RNGTT: variants seen among roughly 807,000 people sequenced by gnomAD.
The protein encoded by RNGTT is RNA guanylyltransferase and 5'-phosphatase.
RNGTT carries 33 observed loss-of-function variants against 79.3 expected under a neutral mutation model. That is an observed-to-expected ratio of 0.42 (90% CI 0.32 to 0.56). The LOEUF (loss-of-function observed/expected upper bound fraction) is 0.56. Ranked by LOEUF, RNGTT falls within the 20% of genes least tolerant of loss-of-function variation. The pLI, the probability that RNGTT is intolerant of heterozygous loss-of-function variation, is 0.17. For missense variants in RNGTT, 497 were observed against 739.1 expected (o/e 0.67, Z 3.80); for synonymous variants, 222 against 235.9 (o/e 0.94, Z 0.54).
chr6:88,952,701 C>T (rs567307626), intron 1 of RNGTT, among the ~76,000 whole-genome samples: 1 of 152,340 alleles, frequency 6.6e-6, no homozygotes, highest in African/African-American at 2.4e-5. Flanking sequence ...CAAGGACTCT[C>T]ACAGAGTCTA....
intron 13 of RNGTT, among the ~76,000 whole-genome samples, chr6:88,745,182 G>A (rs957808724): frequency 2.0e-5 from 3 of 152,114 alleles, no homozygotes; most frequent in African/African-American, 4.8e-5. Flanking sequence ...GAGAAACTCC[G>A]CATATACCAC....
intron 8 of RNGTT, among the ~76,000 whole-genome samples, chr6:88,880,395 T>C (rs1782659173): frequency 6.6e-6 from 1 of 152,246 alleles, no homozygotes; most frequent in South Asian, 2.1e-4. Context: ...GTGGCTTTTT[T>C]ATTCCCTGCA....
In RNGTT at chr6:88,751,074, A is replaced by C. The variant is rs149302038; in HGVS notation, c.1439+18700T>G. The stretch of plus-strand genomic sequence containing the variant: ...AATAAATGCTTACTGAATAGTGATG[A>C]ATCAGTTATAACTAGCACTGCTACT... On this transcript the variant is annotated intron_variant, in intron 13 of 15. Coordinates refer to ENST00000369485, the MANE Select transcript of RNGTT (RefSeq NM_003800.5). Among the ~76,000 whole-genome samples, 19 of 152,300 alleles carry C rather than the reference A, an allele frequency of 1.2e-4. No homozygotes were observed. The East Asian group carries it at 3.3e-3, about 26-fold the overall frequency.
intron 8 of RNGTT, among the ~76,000 whole-genome samples, chr6:88,879,202 C>T (rs1582574891): frequency 6.6e-6 from 1 of 152,100 alleles, no homozygotes; most frequent in Non-Finnish European, 1.5e-5. Flanking sequence ...TGACACCAGC[C>T]TGGCAACATA....
intron 14 of RNGTT, 44 bp from the exon 15 acceptor site, chr6:88,614,439 A>T (rs967371594): frequency 1.2e-6 from 2 of 1,600,096 alleles, no homozygotes; most frequent in African/African-American, 1.3e-5. Context: ...ATAACTTGAA[A>T]GGCTTTTTGC....
At chr6:88,811,807 T>A (rs1206578386) in intron 11 of RNGTT, among the ~76,000 whole-genome samples, 1 of 152,198 alleles carries the variant, frequency 6.6e-6, no homozygotes, top group Non-Finnish European at 1.5e-5. Flanking sequence ...TGAGCAGATA[T>A]TCCCACAAAG....
chr6:88,880,807 G>C lies in RNGTT; in HGVS notation c.896+9688C>G, dbSNP rs542725463. ...TTCTAAAATTTTTATATAGTTCTAA[G>C]TCTTCATCACTTTCAATTGATGTTG... On this transcript the variant is annotated intron_variant, in intron 8 of 15. Coordinates refer to ENST00000369485, the MANE Select transcript of RNGTT (RefSeq NM_003800.5). 2.6e-5 allele frequency among the ~76,000 whole-genome samples: 4 copies of C among 152,214 alleles called. No individual in the cohort carries two copies. The East Asian group carries it at 7.7e-4, about 29-fold the overall frequency.
intron 13 of RNGTT, among the ~76,000 whole-genome samples, chr6:88,730,276 C>T (rs1036053497): frequency 6.6e-6 from 1 of 152,168 alleles, no homozygotes; most frequent in Admixed American, 6.5e-5. Flanking sequence ...ATTCCCATTA[C>T]CTGCTCTGTA....
chr6:88,827,979 G>A (rs1024340169), intron 11 of RNGTT, among the ~76,000 whole-genome samples: 6 of 152,252 alleles, frequency 3.9e-5, no homozygotes, highest in East Asian at 1.9e-4. Context: ...AGACTTAAAC[G>A]TTCCTGCCTA....
At chr6:88,801,767 A>G in intron 11 of RNGTT, 135 bp from the exon 12 acceptor site, 1 of 565,122 alleles carries the variant, frequency 1.8e-6, no homozygotes, top group Non-Finnish European at 3.2e-6. Context: ...AGAGAAAGGG[A>G]TAGGTCTAAA....
chr6:88,828,865 C>T (rs922116796), intron 11 of RNGTT, among the ~76,000 whole-genome samples: 2 of 151,862 alleles, frequency 1.3e-5, no homozygotes, highest in African/African-American at 4.8e-5. Context: ...ACTAATGAAG[C>T]CTCCAAGAAA....
intron 4 of RNGTT, among the ~76,000 whole-genome samples, chr6:88,907,815 C>T (rs182599714): frequency 4.3e-4 from 64 of 149,302 alleles, no homozygotes; most frequent in Middle Eastern, 3.5e-3. Context: ...TCAGGTTCCA[C>T]AGCCTTGACC....
intron 13 of RNGTT, among the ~76,000 whole-genome samples, chr6:88,742,986 G>C (rs189034200): frequency 2.4e-4 from 37 of 152,236 alleles, no homozygotes; most frequent in Admixed American, 7.2e-4. Context: ...GAAGAAATAG[G>C]CATTACAGGG....
chr6:88,718,244 G>A (rs1042959573), intron 13 of RNGTT, among the ~76,000 whole-genome samples: 31 of 152,016 alleles, frequency 2.0e-4, no homozygotes, highest in African/African-American at 6.5e-4. Context: ...AAAATCAGCC[G>A]GGCGTAGTGG....
chr6:88,693,211 A>G (rs1325594706), intron 13 of RNGTT, among the ~76,000 whole-genome samples: 1 of 152,092 alleles, frequency 6.6e-6, no homozygotes, highest in Non-Finnish European at 1.5e-5. Flanking sequence ...GAAAAGATAA[A>G]CAAAATTGGC....
In RNGTT at chr6:88,612,811, C is replaced by A; in HGVS notation, c.1702G>T (p.Ala568Ser). Reference protein sequence around the residue: ...LFEFIDRCTAASQGQKRKHHL... With the variant: ...LFEFIDRCTASSQGQKRKHHL... ...TGTTTTCGCTTCTGTCCTTGAGAAG[C>A]TGCAGTACATCTGTCGATGAACTCA... The change falls in exon 16 of 16, where the codon GCT (alanine) becomes TCT (serine). Residue 568 changes from alanine to serine, a missense_variant. Transcript: ENST00000369485. The A allele has an allele frequency of 6.2e-7, 1 of 1,613,752 alleles. No individual in the cohort carries two copies. Among genetic ancestry groups the A allele is most frequent in the Non-Finnish European group, 8.5e-7 (1 of 1,179,964 alleles).
In RNGTT at chr6:88,709,993, A is replaced by G. The variant is rs571003528; in HGVS notation, c.1440-31574T>C. 6.6e-5 allele frequency among the ~76,000 whole-genome samples: 10 copies of G among 152,332 alleles called. 1 individual carries two copies. The highest frequency in any genetic ancestry group is 6.8e-3 in the Middle Eastern group (2 of 294). ...CAAATGCAATTGAAATTGCTTAATG[A>G]TTCTTTGAAAGATTTTGTTTTTCTC... On this transcript the variant is annotated intron_variant, in intron 13 of 15. Coordinates refer to ENST00000369485, the MANE Select transcript of RNGTT (RefSeq NM_003800.5).
chr6:88,699,645 A>G (rs1458087543), intron 13 of RNGTT, among the ~76,000 whole-genome samples: 1 of 152,226 alleles, frequency 6.6e-6, no homozygotes, highest in African/African-American at 2.4e-5. Flanking sequence ...GGTCTGGGCA[A>G]CAGAGCAAGG....
At chr6:88,659,767 G>A (rs1225524508) in intron 14 of RNGTT, among the ~76,000 whole-genome samples, 1 of 152,174 alleles carries the variant, frequency 6.6e-6, no homozygotes, top group Non-Finnish European at 1.5e-5. Context: ...GGTCTTGCTA[G>A]AGATCTAGAC....
Sources: allele counts gnomAD v4.1 joint callset (sites outside exome capture counted in the v4.1 genomes callset), GRCh38; gene constraint gnomAD v4.1.1; transcripts MANE v1.5; gene names NCBI Gene and HGNC (gene_info 2026-07-23, HGNC 2026-07-21).